KLHL32: variants seen among roughly 807,000 people sequenced by gnomAD.
KLHL32 encodes kelch-like protein 32.
A neutral mutation model predicts 64.8 loss-of-function variants in KLHL32; 35 were observed. The observed-to-expected ratio is 0.54, with a 90% CI of 0.41 to 0.72. KLHL32 has a LOEUF of 0.72. KLHL32 is among the 30% of genes least tolerant of loss of function. The probability of loss-of-function intolerance (pLI) is 0.00; values close to 1 mark genes in which losing one functional copy is unlikely to be tolerated. For missense variants in KLHL32, 589 were observed against 768.5 expected, an observed-to-expected ratio of 0.77 and a Z score of 2.76; for synonymous variants, 259 against 281.0, an observed-to-expected ratio of 0.92 and a Z score of 0.78.
intron 3 of KLHL32, among the ~76,000 whole-genome samples, chr6:97,015,100 C>T (rs544307620): frequency 1.3e-5 from 2 of 152,288 alleles, no homozygotes; most frequent in East Asian, 1.9e-4. Context: ...TTGCTTGCCC[C>T]TTGCCTTCTG....
intron 1 of KLHL32, among the ~76,000 whole-genome samples, chr6:96,942,587 G>A (rs35104491): frequency 0.22 from 33,669 of 151,586 alleles, 3,936 homozygotes; most frequent in Admixed American, 0.27. Flanking sequence ...AAGGACATTA[G>A]CATTGAAATC....
chr6:96,997,102 G>T (rs1396231628), intron 3 of KLHL32, among the ~76,000 whole-genome samples: 1 of 152,108 alleles, frequency 6.6e-6, no homozygotes, highest in Non-Finnish European at 1.5e-5. Flanking sequence ...CTGACCAAAG[G>T]CTTGAGGTCT....
chr6:97,089,189 G>T (rs1793859851), intron 6 of KLHL32, among the ~76,000 whole-genome samples: 1 of 152,172 alleles, frequency 6.6e-6, no homozygotes, highest in South Asian at 2.1e-4. Flanking sequence ...TAAACCATAA[G>T]TACAGCTCTC....
At chr6:96,925,603 T>C (rs1367297144) in intron 1 of KLHL32, among the ~76,000 whole-genome samples, 1 of 152,202 alleles carries the variant, frequency 6.6e-6, no homozygotes, top group Admixed American at 6.5e-5. Context: ...AGTTTTATTT[T>C]GCAGTTCACT....
At chr6:96,923,712 G>A (rs1364060926), upstream of KLHL32, among the ~76,000 whole-genome samples, 4 of 152,210 alleles carry the variant, frequency 2.6e-5, no homozygotes, top group Non-Finnish European at 5.9e-5. Flanking sequence ...AAACCTGCAA[G>A]AAATAGGATT....
At chr6:97,048,300 A>G (rs1786250605) in intron 4 of KLHL32, among the ~76,000 whole-genome samples, 1 of 152,172 alleles carries the variant, frequency 6.6e-6, no homozygotes, top group African/African-American at 2.4e-5. Flanking sequence ...GTTCCCTTGC[A>G]TTTCTCTTTA....
At chr6:97,093,896 A>C (rs950836807) in intron 6 of KLHL32, among the ~76,000 whole-genome samples, 2 of 152,200 alleles carry the variant, frequency 1.3e-5, no homozygotes, top group African/African-American at 4.8e-5. Context: ...CTGGAGTGCC[A>C]TTATTTCTGT....
intron 3 of KLHL32, among the ~76,000 whole-genome samples, chr6:96,984,863 C>T (rs551434741): frequency 1.3e-5 from 2 of 152,252 alleles, no homozygotes; most frequent in East Asian, 3.9e-4. Context: ...GAGCATTTAG[C>T]CCATTTACAT....
intron 3 of KLHL32, among the ~76,000 whole-genome samples, chr6:96,994,813 A>G (rs899743467): frequency 1.3e-5 from 2 of 152,244 alleles, no homozygotes; most frequent in African/African-American, 4.8e-5. Context: ...CATTAGCCAG[A>G]TGCTGTAACA....
chr6:96,909,211 C>T, the KLHL32 span, among the ~76,000 whole-genome samples: 4 of 152,040 alleles, frequency 2.6e-5, no homozygotes, highest in African/African-American at 9.7e-5. Flanking sequence ...TTAGAGAATT[C>T]GGCATCCCTA....
intron 3 of KLHL32, among the ~76,000 whole-genome samples, chr6:96,978,488 GACTGTGTAGTATTCC>G (rs780401059): frequency 5.9e-4 from 89 of 152,072 alleles, no homozygotes; most frequent in Non-Finnish European, 1.6e-4. Flanking sequence ...TCTTTTTTAT[GACTGTGTAGTATTCC>G]ACAATATATA....
chr6:96,940,317 A>G lies in KLHL32; in HGVS notation c.-66+15291A>G, dbSNP rs764891759. Among the ~76,000 whole-genome samples the G allele has an allele frequency of 1.2e-4, 18 of 152,302 alleles. 1 individual carries two copies. The highest frequency in any genetic ancestry group is 4.6e-4 in the Admixed American group (7 of 15,300). On this transcript the variant is annotated intron_variant, in intron 1 of 10. Transcript: ENST00000369261. ...GATCAATTAAATCTCAAGGAACTGT[A>G]GCTCTTAATGATTAGGTAGAGAGGG... is the stretch of plus-strand genomic sequence containing the variant.
At chr6:97,042,624 AT>A (rs199665711) in intron 4 of KLHL32, among the ~76,000 whole-genome samples, 3 of 147,704 alleles carry the variant, frequency 2.0e-5, no homozygotes, top group East Asian at 2.0e-4. Flanking sequence ...CTACCTACCT[AT>A]TTTTTTTGTG....
At chr6:96,957,170 C>T (rs1049048327) in intron 1 of KLHL32, among the ~76,000 whole-genome samples, 2 of 152,126 alleles carry the variant, frequency 1.3e-5, no homozygotes, top group African/African-American at 4.8e-5. Flanking sequence ...GCGCTTAGCA[C>T]ATATTTGATG....
intron 3 of KLHL32, among the ~76,000 whole-genome samples, chr6:97,009,232 T>C (rs1295358627): frequency 6.6e-6 from 1 of 151,708 alleles, no homozygotes; most frequent in African/African-American, 2.4e-5. Flanking sequence ...AGAGTGGAAT[T>C]TTGGTTTATA....
At chr6:96,997,720 T>G (rs1467123885) in intron 3 of KLHL32, among the ~76,000 whole-genome samples, 1 of 151,712 alleles carries the variant, frequency 6.6e-6, no homozygotes, top group Admixed American at 6.6e-5. Context: ...GTGCACAAAA[T>G]ACATGAACAG....
intron 6 of KLHL32, among the ~76,000 whole-genome samples, chr6:97,103,123 C>T (rs2128198934): frequency 6.6e-6 from 1 of 151,462 alleles, no homozygotes; most frequent in Admixed American, 6.6e-5. Flanking sequence ...TGTAAATATA[C>T]CACTGTATTC....
chr6:97,090,913 C>G (rs766371891), intron 6 of KLHL32, among the ~76,000 whole-genome samples: 1 of 152,220 alleles, frequency 6.6e-6, no homozygotes, highest in Non-Finnish European at 1.5e-5. Context: ...AATCCTATGA[C>G]TTTAACAGGA....
intron 6 of KLHL32, among the ~76,000 whole-genome samples, chr6:97,103,629 T>C (rs1463376145): frequency 6.6e-6 from 1 of 152,260 alleles, no homozygotes; most frequent in Non-Finnish European, 1.5e-5. Flanking sequence ...TTCAGTTTCA[T>C]GATATAATCT....
Sources: gnomAD v4.1 joint callset for allele counts (sites outside exome capture counted in the v4.1 genomes callset) on GRCh38, gnomAD v4.1.1 for gene constraint, MANE v1.5 for transcripts, NCBI Gene and HGNC (gene_info 2026-07-23, HGNC 2026-07-21) for gene names.